The following DNAH11 variants were observed in gnomAD, a reference collection of about 807,000 sequenced individuals.
DNAH11 encodes axonemal beta dynein heavy chain 11.
DNAH11 carries 442 observed loss-of-function variants against 526.0 expected under a neutral mutation model. The ratio of observed to expected loss-of-function variants is 0.84; its 90% CI spans 0.78 to 0.91. DNAH11 has a LOEUF of 0.91. Among genes scored for constraint, DNAH11 ranks in the 40% least tolerant of loss-of-function variants. The pLI, the probability that DNAH11 is intolerant of heterozygous loss-of-function variation, is 0.00. For missense variants in DNAH11, 6,989 were observed against 5,448.7 expected (o/e 1.28, Z -8.90); for synonymous variants, 2,461 against 1,935.9 (o/e 1.27, Z -7.12).
intron 43 of DNAH11, among the ~76,000 whole-genome samples, chr7:21,720,343 T>A (rs1183884171): frequency 1.3e-5 from 2 of 152,184 alleles, no homozygotes; most frequent in East Asian, 3.8e-4. Flanking sequence ...TAAGGAAAGA[T>A]GTCTTCAGTT....
intron 47 of DNAH11, among the ~76,000 whole-genome samples, chr7:21,739,366 T>C (rs1785767356): frequency 6.6e-6 from 1 of 152,206 alleles, no homozygotes; most frequent in African/African-American, 2.4e-5. Context: ...CAGATCTTGA[T>C]TTTTGTCATC....
intron 75 of DNAH11, 61 bp from the exon 76 acceptor site, chr7:21,884,230 T>G (rs531719574): frequency 6.7e-7 from 1 of 1,482,504 alleles, no homozygotes; most frequent in South Asian, 1.5e-5. Context: ...GTGCTACTGG[T>G]TGGCTACTCT....
In DNAH11 at chr7:21,730,308, GA is replaced by G. The variant is rs376190848; in HGVS notation, c.7440+4327del. On this transcript the variant is annotated intron_variant, in intron 45 of 81. Coordinates refer to ENST00000409508, the MANE Select transcript of DNAH11 (RefSeq NM_001277115.2). ...ATACAGGTTGAGCATCTCTAATTCA[GA>G]AATCTAAAATTCTCCAAAATTAAAA... 4.2e-3 allele frequency among the ~76,000 whole-genome samples: 643 copies of G among 152,312 alleles called. 8 individuals are homozygous for G. The highest frequency in any genetic ancestry group is 0.015 in the African/African-American group (608 of 41,558).
chr7:21,877,365 A>T (rs1783754403), intron 74 of DNAH11, among the ~76,000 whole-genome samples: 1 of 152,108 alleles, frequency 6.6e-6, no homozygotes, highest in Non-Finnish European at 1.5e-5. Flanking sequence ...GTATGCCACT[A>T]TGCCTGGCTA....
intron 65 of DNAH11, among the ~76,000 whole-genome samples, chr7:21,822,189 A>G (rs906510254): frequency 6.6e-6 from 1 of 151,958 alleles, no homozygotes; most frequent in South Asian, 2.1e-4. Context: ...GTTTGATTTA[A>G]CTCATGGTTC....
chr7:21,612,542 G>A (rs1423136262), intron 20 of DNAH11, among the ~76,000 whole-genome samples: 4 of 120,274 alleles, frequency 3.3e-5, no homozygotes, highest in Non-Finnish European at 6.4e-5. Context: ...GCGACAGAGT[G>A]AGGCTCCGTC....
At position 21,545,004 on chromosome 7, in the gene DNAH11, A is replaced by G. The variant is rs750605196; in HGVS notation, c.352-2A>G. 1.3e-6 allele frequency: 2 copies of G among 1,572,148 alleles called. No homozygotes were observed. ...GAACTAATTATCTTGCTCTTGTTTT[A>G]GATTCCAAGAGATGCAAACCATAAA... On this transcript the variant is annotated splice_acceptor_variant, in intron 1 of 81. Coordinates refer to ENST00000409508, the MANE Select transcript of DNAH11 (RefSeq NM_001277115.2). LOFTEE classifies it high-confidence loss of function.
At position 21,582,103 on chromosome 7, in the gene DNAH11, A is replaced by C. The variant is rs545193323; in HGVS notation, c.1710+82A>C. The C allele has an allele frequency of 2.4e-5, 21 of 875,068 alleles. No individual in the cohort carries two copies. The South Asian group carries it at 2.5e-4, about 10-fold the overall frequency. 54.2% of individuals were successfully genotyped at this position (875,068 alleles called of 1,614,324 possible). A position where few individuals can be genotyped will look rare whatever the true frequency, so the allele number is the denominator to read the frequency against. ...AAATGAAAGGGGTGAATTCTCATTC[A>C]GGTAGAGTATTCACTAGGTTAACTA... On this transcript the variant is annotated intron_variant, in intron 9 of 81. Coordinates refer to ENST00000409508, the MANE Select transcript of DNAH11 (RefSeq NM_001277115.2).
chr7:21,724,738 T>TCCTGTG (rs1785016559), intron 44 of DNAH11, among the ~76,000 whole-genome samples: 1 of 150,560 alleles, frequency 6.6e-6, no homozygotes, highest in Non-Finnish European at 1.5e-5. Flanking sequence ...CCTATGAATA[T>TCCTGTG]AAGAGTCACT....
chr7:21,722,523 T>C (rs1784918795), intron 44 of DNAH11, among the ~76,000 whole-genome samples: 1 of 152,232 alleles, frequency 6.6e-6, no homozygotes, highest in South Asian at 2.1e-4. Context: ...ATATAATCTG[T>C]TGGCCAGTTC....
intron 68 of DNAH11, among the ~76,000 whole-genome samples, chr7:21,859,210 T>C (rs149916380): frequency 1.3e-5 from 2 of 152,254 alleles, no homozygotes; most frequent in African/African-American, 4.8e-5. Flanking sequence ...ACCTCCCAGG[T>C]TGAAGCGATT....
chr7:21,665,236 T>A (rs1782380205), intron 30 of DNAH11, among the ~76,000 whole-genome samples: 1 of 152,162 alleles, frequency 6.6e-6, no homozygotes, highest in Non-Finnish European at 1.5e-5. Flanking sequence ...TTATTTCATA[T>A]TTCTGTGTTA....
chr7:21,586,575 T>C (rs1784484478), intron 9 of DNAH11, among the ~76,000 whole-genome samples: 1 of 152,190 alleles, frequency 6.6e-6, no homozygotes, highest in Non-Finnish European at 1.5e-5. Flanking sequence ...TTATTTTCAG[T>C]GAATGTAGTT....
intron 62 of DNAH11, among the ~76,000 whole-genome samples, chr7:21,802,073 C>G (rs1301305121): frequency 6.6e-6 from 1 of 152,126 alleles, no homozygotes. Context: ...GATAACGTTT[C>G]CCTTACAAGG....
At chr7:21,661,949 G>A (rs886673515) in intron 30 of DNAH11, among the ~76,000 whole-genome samples, 5 of 152,000 alleles carry the variant, frequency 3.3e-5, no homozygotes, top group African/African-American at 4.8e-5. Context: ...CTCCTGAGTA[G>A]CTGGGATTAC....
chr7:21,612,447 C>G (rs2128451239), intron 20 of DNAH11, among the ~76,000 whole-genome samples: 1 of 150,028 alleles, frequency 6.7e-6, no homozygotes, highest in East Asian at 2.0e-4. Flanking sequence ...CCCAGCTACT[C>G]AGGGGGCTGA....
At chr7:21,782,162 C>G (rs1787973752) in intron 57 of DNAH11, among the ~76,000 whole-genome samples, 1 of 152,142 alleles carries the variant, frequency 6.6e-6, no homozygotes, top group African/African-American at 2.4e-5. Flanking sequence ...CTGTGATCAC[C>G]ACTAATCTTA....
At chr7:21,657,016 T>C (rs910013260) in intron 29 of DNAH11, among the ~76,000 whole-genome samples, 7 of 152,174 alleles carry the variant, frequency 4.6e-5, no homozygotes, top group Non-Finnish European at 8.8e-5. Flanking sequence ...GATAGTCCAA[T>C]TGATGGATGT....
rs372460601 is a variant in DNAH11, at chr7:21,571,932, T to G, written c.1552T>G (p.Phe518Val). The G allele has an allele frequency of 1.2e-6, 2 of 1,608,542 alleles. No individual in the cohort carries two copies. Among genetic ancestry groups the G allele is most frequent in the Non-Finnish European group, 1.7e-6 (2 of 1,178,026 alleles). ...SEELMELCKLFKQSTYDPSDC... is the reference protein window; with the variant it reads ...SEELMELCKLVKQSTYDPSDC... ...AGAACTTATGGAACTCTGTAAACTT[T>G]TTAAACAGAGCACTTATGACCCATC... The change falls in exon 8 of 82, where the codon TTT becomes GTT. Residue 518 changes from phenylalanine to valine, a missense_variant. Transcript: ENST00000409508.
Sources: allele counts gnomAD v4.1 joint callset (sites outside exome capture counted in the v4.1 genomes callset), GRCh38; gene constraint gnomAD v4.1.1; transcripts MANE v1.5; gene names NCBI Gene and HGNC (gene_info 2026-07-23, HGNC 2026-07-21).